The following ACER1 variants were observed in gnomAD, a reference collection of about 807,000 sequenced individuals.
ACER1 encodes alkaline ceramidase 1, also known as CTB-180A7.3.
In ACER1, 28 loss-of-function variants were observed where a neutral mutation model predicts 24.9. The observed-to-expected ratio is 1.13, with a 90% CI of 0.83 to 1.54. ACER1 has a LOEUF of 1.54. ACER1 is among the 40% of genes most tolerant of loss of function. ACER1 has a pLI of 0.00. For synonymous variants in ACER1, 132 were observed against 131.4 expected, an observed-to-expected ratio of 1.00 and a Z score of -0.03; for missense variants, 352 against 349.3, an observed-to-expected ratio of 1.01 and a Z score of -0.06.
chr19:6,336,605 G>C (rs2085214843), upstream of ACER1, among the ~76,000 whole-genome samples: 1 of 151,924 alleles, frequency 6.6e-6, no homozygotes, highest in Admixed American at 6.6e-5. Context: ...CGGATCACGA[G>C]GTCAGGAGAT....
At chr19:6,319,619 T>C (rs2091620321) in intron 1 of ACER1, among the ~76,000 whole-genome samples, 1 of 152,006 alleles carries the variant, frequency 6.6e-6, no homozygotes, top group Non-Finnish European at 1.5e-5. Flanking sequence ...TCGGGGTGTA[T>C]ACAGTCAGGA....
At chr19:6,341,821 G>A in the ACER1 span, among the ~76,000 whole-genome samples, 1 of 151,904 alleles carries the variant, frequency 6.6e-6, no homozygotes, top group South Asian at 2.1e-4. Context: ...GTAGAGACGC[G>A]GGTTTCACCA....
intron 4 of ACER1, among the ~76,000 whole-genome samples, chr19:6,308,973 C>A (rs1314957752): frequency 3.3e-5 from 5 of 151,566 alleles, no homozygotes; most frequent in African/African-American, 9.7e-5. Context: ...CCGAGGTGGG[C>A]AGATCACCTG....
At chr19:6,317,396 G>C (rs961440678) in intron 1 of ACER1, among the ~76,000 whole-genome samples, 1 of 152,218 alleles carries the variant, frequency 6.6e-6, no homozygotes, top group African/African-American at 2.4e-5. Context: ...GACTGCAAGC[G>C]CTTCTCTTCA....
chr19:6,330,594 A>G (rs922886328), intron 1 of ACER1, among the ~76,000 whole-genome samples: 1 of 149,934 alleles, frequency 6.7e-6, no homozygotes, highest in Non-Finnish European at 1.5e-5. Flanking sequence ...TAAAGGTGAG[A>G]GCCACCATAC....
intron 1 of ACER1, among the ~76,000 whole-genome samples, chr19:6,331,400 C>G (rs1420837928): frequency 6.7e-6 from 1 of 148,802 alleles, no homozygotes; most frequent in Non-Finnish European, 1.5e-5. Context: ...CCACCCCCCT[C>G]GGCCTCCCAA....
At chr19:6,356,691 G>T in the ACER1 span, among the ~76,000 whole-genome samples, 1 of 148,442 alleles carries the variant, frequency 6.7e-6, no homozygotes, top group Non-Finnish European at 1.5e-5. Context: ...GCAAGCTTTT[G>T]AACATTATAT....
intron 3 of ACER1, 34 bp from the exon 4 acceptor site, chr19:6,309,868 G>T: frequency 6.2e-7 from 1 of 1,612,274 alleles, no homozygotes; most frequent in South Asian, 1.1e-5. Context: ...TAGGCGGGAA[G>T]GGAGGTCCTG....
chr19:6,353,240 G>T, the ACER1 span: 2 of 152,186 alleles, frequency 1.3e-5, no homozygotes, highest in African/African-American at 4.8e-5. Context: ...GCTAAGGTGG[G>T]AGGATTGCTT....
intron 1 of ACER1, among the ~76,000 whole-genome samples, chr19:6,320,032 C>T (rs1444322205): frequency 6.8e-6 from 1 of 147,298 alleles, no homozygotes; most frequent in Non-Finnish European, 1.5e-5. Context: ...ATCGCTTGAA[C>T]GTGGAGGCTG....
rs374124977 is a variant in ACER1, at chr19:6,307,248, C to A, written c.531G>T (p.Val177=). 1 of 1,613,932 alleles carries A rather than the reference C, an allele frequency of 6.2e-7. No individual in the cohort carries two copies. Among genetic ancestry groups the A allele is most frequent in the South Asian group, 1.1e-5 (1 of 91,080 alleles). ...TGGTCAGAGCAACAGCCCATAAAACCACGGAGACCTCAATCAGGTGCCGAA... is the reference window on the plus strand; with the variant it reads ...TGGTCAGAGCAACAGCCCATAAAACAACGGAGACCTCAATCAGGTGCCGAA... ...KELRHLIEVS[V]VLWAVALTSW... Residue 177 remains valine (V), a synonymous_variant, in exon 5 of 6, where the codon GTG becomes GTT. Coordinates refer to ENST00000301452, the MANE Select transcript of ACER1 (RefSeq NM_133492.3).
At chr19:6,340,452 C>T in the ACER1 span, among the ~76,000 whole-genome samples, 2,613 of 152,204 alleles carry the variant, frequency 0.017, 80 homozygotes, top group African/African-American at 0.059. Context: ...ACAGCCCTAG[C>T]CCCCAAATCC....
At chr19:6,314,897 T>C (rs1047179311) in intron 1 of ACER1, among the ~76,000 whole-genome samples, 1 of 151,782 alleles carries the variant, frequency 6.6e-6, no homozygotes, top group African/African-American at 2.4e-5. Context: ...TATTTATTTA[T>C]TTATTTATTT....
intron 1 of ACER1, among the ~76,000 whole-genome samples, chr19:6,325,008 G>A (rs1052713847): frequency 4.6e-5 from 7 of 152,070 alleles, no homozygotes; most frequent in African/African-American, 1.7e-4. Flanking sequence ...AACTGACGGA[G>A]CCCACACCTG....
chr19:6,323,416 C>T (rs1468445770), intron 1 of ACER1, among the ~76,000 whole-genome samples: 1 of 138,624 alleles, frequency 7.2e-6, no homozygotes, highest in Non-Finnish European at 1.5e-5. Context: ...GAGACTCCGT[C>T]TCAAAAAAAA....
rs753873217 is a variant in ACER1, at chr19:6,333,520, T to C, written c.32A>G (p.Glu11Gly). Residue 11 changes from glutamate to glycine, a missense_variant, in exon 1 of 6, where the codon GAG (glutamate) becomes GGG (glycine). Physicochemically the swap from Glu to Gly is moderately conservative, Grantham distance 98. Coordinates refer to ENST00000301452, the MANE Select transcript of ACER1 (RefSeq NM_133492.3). MPSIFAYQSSEVDWCESNFQY... is the reference protein window; with the variant it reads MPSIFAYQSSGVDWCESNFQY... ...GAAGTTGCTCTCACACCAGTCCACCTCGGAGCTCTGATAGGCGAAGATGCT... is the reference window on the plus strand; with the variant it reads ...GAAGTTGCTCTCACACCAGTCCACCCCGGAGCTCTGATAGGCGAAGATGCT... 4 of 1,590,986 alleles carry C rather than the reference T, an allele frequency of 2.5e-6. No homozygotes were observed. Among genetic ancestry groups the C allele is most frequent in the Non-Finnish European group, 3.4e-6 (4 of 1,168,030 alleles).
Position 6,312,553 on chromosome 19 carries a change from G to T in ACER1, c.94-54C>A, listed in dbSNP as rs545444212. 6 of 1,440,380 alleles carry T rather than the reference G, an allele frequency of 4.2e-6. No individual in the cohort carries two copies. The East Asian group carries it at 1.4e-4, about 33-fold the overall frequency. The allele number at this position is 1,440,380 out of a possible 1,614,324, so 89.2% of individuals were successfully genotyped here. ...CTCGTCAGATAGGGGAGACGGAGGA[G>T]GCTGCCCTCTGTCCAGACACTCAGT... On this transcript the variant is annotated intron_variant, in intron 1 of 5. Coordinates refer to ENST00000301452, the MANE Select transcript of ACER1 (RefSeq NM_133492.3).
the ACER1 span, among the ~76,000 whole-genome samples, chr19:6,349,219 G>A: frequency 6.6e-6 from 1 of 151,800 alleles, no homozygotes; most frequent in Non-Finnish European, 1.5e-5. Context: ...GCTCATGTCT[G>A]TAATCCCAGC....
intron 1 of ACER1, among the ~76,000 whole-genome samples, chr19:6,332,215 C>A (rs2091691020): frequency 6.6e-6 from 1 of 151,144 alleles, no homozygotes. Context: ...GATCCACTCA[C>A]CTTGGCCTCG....
Sources: allele counts gnomAD v4.1 joint callset (sites outside exome capture counted in the v4.1 genomes callset), GRCh38; gene constraint gnomAD v4.1.1; transcripts MANE v1.5; gene names NCBI Gene and HGNC (gene_info 2026-07-23, HGNC 2026-07-21).